Variants in VWA8 observed in about 807,000 individuals in gnomAD.
The protein encoded by VWA8 is von Willebrand factor A domain containing 8.
VWA8 carries 221 observed loss-of-function variants against 241.5 expected under a neutral mutation model. The ratio of observed to expected loss-of-function variants is 0.91; its 90% CI spans 0.82 to 1.02. The LOEUF (loss-of-function observed/expected upper bound fraction) is 1.02. VWA8 is among the 50% of genes least tolerant of loss of function. The probability of loss-of-function intolerance (pLI) is 0.00; values close to 1 mark genes in which losing one functional copy is unlikely to be tolerated. For missense variants in VWA8, 2,322 were observed against 2,328.7 expected (o/e 1.00, Z 0.06); for synonymous variants, 852 against 827.1 (o/e 1.03, Z -0.52).
At chr13:41,730,487 G>T (rs2045473846) in intron 22 of VWA8, among the ~76,000 whole-genome samples, 1 of 137,298 alleles carries the variant, frequency 7.3e-6, no homozygotes. Flanking sequence ...ATTTGAGGGA[G>T]GTATGAAAAA....
chr13:41,804,557 A>C (rs1870100995), intron 17 of VWA8, among the ~76,000 whole-genome samples: 1 of 152,168 alleles, frequency 6.6e-6, no homozygotes, highest in South Asian at 2.1e-4. Context: ...ATTAATGAGC[A>C]GTAAGAAATA....
intron 2 of VWA8, chr13:41,926,442 T>C (rs995492000): frequency 1.9e-6 from 1 of 527,692 alleles, no homozygotes; most frequent in African/African-American, 1.9e-5. Flanking sequence ...AAGCTTTTCA[T>C]CACTTATGAC....
chr13:41,776,541 T>C (rs1026068218), intron 20 of VWA8, among the ~76,000 whole-genome samples: 35 of 152,204 alleles, frequency 2.3e-4, no homozygotes, highest in Admixed American at 5.2e-4. Flanking sequence ...AAATAATTTA[T>C]TGTTCTAGTT....
At chr13:41,747,289 C>A (rs940197776) in intron 21 of VWA8, among the ~76,000 whole-genome samples, 17 of 151,980 alleles carry the variant, frequency 1.1e-4, no homozygotes, top group South Asian at 2.1e-4. Flanking sequence ...AGTGGTTTGT[C>A]GTTCTCCTTG....
At chr13:41,895,526 A>G (rs1045104713) in intron 4 of VWA8, among the ~76,000 whole-genome samples, 6 of 152,192 alleles carry the variant, frequency 3.9e-5, no homozygotes, top group Non-Finnish European at 7.4e-5. Flanking sequence ...ATGGTCATAC[A>G]GCAGTGCAAT....
intron 37 of VWA8, among the ~76,000 whole-genome samples, chr13:41,656,695 G>C (rs1318546222): frequency 6.6e-6 from 1 of 152,098 alleles, no homozygotes; most frequent in Non-Finnish European, 1.5e-5. Context: ...ATTAGGTAAG[G>C]ATCATGCTTC....
intron 32 of VWA8, 143 bp downstream of exon 32, chr13:41,691,177 A>G: frequency 1.1e-6 from 1 of 930,658 alleles, no homozygotes; most frequent in South Asian, 3.7e-5. Flanking sequence ...AATTCTTATA[A>G]GTCTCATATA....
At position 41,960,964 on chromosome 13, in the gene VWA8, C is replaced by CG; in HGVS notation, c.51_52insC (p.Ala18ArgfsTer39). 6.9e-7 allele frequency: 1 copy of CG among 1,443,854 alleles called. No homozygotes were observed. The highest frequency in any genetic ancestry group is 1.4e-5 in the South Asian group (1 of 70,796). The allele number at this position is 1,443,854 out of a possible 1,614,324, so 89.4% of individuals were successfully genotyped here. On this transcript the variant is annotated frameshift_variant, in exon 1 of 45. Coordinates refer to ENST00000379310, the MANE Select transcript of VWA8 (RefSeq NM_015058.2). LOFTEE classifies it high-confidence loss of function. ...AGGAGCAGCCGCATGCGCCGCGAGG[C>CG]CGGGCCGCCGTGGCCTCCGGGTGCC...
chr13:41,798,240 A>G (rs1183945853), intron 17 of VWA8, among the ~76,000 whole-genome samples: 1 of 152,172 alleles, frequency 6.6e-6, no homozygotes. Context: ...TTTTCACAAT[A>G]CATTTAAATT....
At chr13:41,960,763 C>G in intron 1 of VWA8, 90 bp downstream of exon 1, 1 of 1,413,156 alleles carries the variant, frequency 7.1e-7, no homozygotes, top group East Asian at 3.0e-5. Flanking sequence ...CCAAGCGCAG[C>G]GAAGCAACAG....
intron 12 of VWA8, among the ~76,000 whole-genome samples, chr13:41,848,158 A>G (rs896902124): frequency 6.6e-6 from 1 of 152,158 alleles, no homozygotes; most frequent in African/African-American, 2.4e-5. Flanking sequence ...TTGACAATGC[A>G]TCCCTTTTGG....
At chr13:41,614,080 G>A (rs555249215) in intron 38 of VWA8, among the ~76,000 whole-genome samples, 1 of 152,346 alleles carries the variant, frequency 6.6e-6, no homozygotes, top group African/African-American at 2.4e-5. Context: ...TTGTTGGCTT[G>A]ACGCTAACTT....
At chr13:41,883,279 G>C (rs371486751) in intron 9 of VWA8, 108 bp downstream of exon 9, 1 of 785,966 alleles carries the variant, frequency 1.3e-6, no homozygotes, top group East Asian at 2.7e-5. Flanking sequence ...AAATAAGGAT[G>C]GGGAGAGAAA....
intron 12 of VWA8, among the ~76,000 whole-genome samples, chr13:41,855,092 T>C (rs1357353377): frequency 1.3e-5 from 2 of 151,890 alleles, no homozygotes; most frequent in East Asian, 3.9e-4. Context: ...GATTAAAAAA[T>C]GTGAAATAGG....
Position 41,932,518 on chromosome 13 carries a change from G to C in VWA8, c.241+17418C>G, listed in dbSNP as rs185115724. Among the ~76,000 whole-genome samples, 352 of 152,076 alleles carry C rather than the reference G, an allele frequency of 2.3e-3. 1 individual carries two copies. The highest frequency in any genetic ancestry group is 0.017 in the Middle Eastern group (5 of 294). ...GACATGACAAGTAAGGAAAGCTGCA[G>C]ATCAATATCCTTCATAGAGATGTAC... On this transcript the variant is annotated intron_variant, in intron 2 of 44. Transcript: ENST00000379310.
intron 43 of VWA8, among the ~76,000 whole-genome samples, chr13:41,571,420 C>A (rs1028873842): frequency 9.9e-5 from 15 of 151,280 alleles, no homozygotes; most frequent in South Asian, 4.2e-4. Context: ...ACTGTACTGC[C>A]GCCATCTCGG....
At position 41,830,789 on chromosome 13, in the gene VWA8, T is replaced by G. The variant is rs1332053625; in HGVS notation, c.1587-147A>C. 4.8e-6 allele frequency: 3 copies of G among 619,616 alleles called. No homozygotes were observed. The African/African-American group carries it at 5.6e-5, about 11-fold the overall frequency. 38.4% of individuals were successfully genotyped at this position (619,616 alleles called of 1,614,324 possible). A position where few individuals can be genotyped will look rare whatever the true frequency, so the allele number is the denominator to read the frequency against. On this transcript the variant is annotated intron_variant, in intron 13 of 44. Transcript: ENST00000379310. ...TAGATGGACCTTTCAAAATTTCAAA[T>G]TGGCTACTGCTGTTACACTTCGCAA...
intron 7 of VWA8, 105 bp from the exon 8 acceptor site, chr13:41,886,133 C>T: frequency 1.3e-6 from 1 of 760,872 alleles, no homozygotes; most frequent in Non-Finnish European, 2.1e-6. Context: ...AAAAAGATCC[C>T]TAATATTAAT....
chr13:41,624,405 C>T (rs1385778442), intron 37 of VWA8, among the ~76,000 whole-genome samples: 1 of 152,142 alleles, frequency 6.6e-6, no homozygotes, highest in Non-Finnish European at 1.5e-5. Flanking sequence ...CCCTGATGAA[C>T]ATAGCTGCAA....
Sources: allele counts gnomAD v4.1 joint callset (sites outside exome capture counted in the v4.1 genomes callset), GRCh38; gene constraint gnomAD v4.1.1; transcripts MANE v1.5; gene names NCBI Gene and HGNC (gene_info 2026-07-23, HGNC 2026-07-21).